CUL3: variants seen among roughly 807,000 people sequenced by gnomAD.
CUL3 encodes the protein cullin-3.
CUL3 carries 19 observed loss-of-function variants against 89.1 expected under a neutral mutation model. The ratio of observed to expected loss-of-function variants is 0.21; its 90% confidence interval spans 0.15 to 0.31. The LOEUF is 0.31. Ranked by LOEUF, CUL3 falls within the 10% of genes least tolerant of loss-of-function variation. The probability of loss-of-function intolerance (pLI) is 1.00; values close to 1 mark genes in which losing one functional copy is unlikely to be tolerated. For missense variants in CUL3, 469 were observed against 942.3 expected (o/e 0.50, Z 6.58); for synonymous variants, 351 against 308.4 (o/e 1.14, Z -1.45).
intron 1 of CUL3, 44 bp from the exon 2 acceptor site, chr2:224,557,900 A>G: frequency 8.8e-7 from 1 of 1,131,826 alleles, no homozygotes. Flanking sequence ...AAAAAAAAAA[A>G]AAAAACCAAT....
intron 11 of CUL3, 149 bp downstream of exon 11, chr2:224,500,214 T>C (rs1559348337): frequency 3.6e-6 from 3 of 839,282 alleles, no homozygotes. Flanking sequence ...GAGGGGGAAA[T>C]TGCTGTATGC....
At chr2:224,476,292 C>T (rs1472879809) in intron 15 of CUL3, among the ~76,000 whole-genome samples, 3 of 152,060 alleles carry the variant, frequency 2.0e-5, no homozygotes, top group African/African-American at 7.3e-5. Context: ...GCTGGGATTA[C>T]AGGCGTGAGC....
In CUL3 at chr2:224,493,796, G is replaced by A. The variant is rs570335872; in HGVS notation, c.1842+2036C>T. Among the ~76,000 whole-genome samples, 3 of 151,928 alleles carry A rather than the reference G, an allele frequency of 2.0e-5. No individual in the cohort carries two copies. The South Asian group carries it at 6.2e-4, about 32-fold the overall frequency. The stretch of plus-strand genomic sequence containing the variant: ...TAAAATATTTTATCCATTAAGAGCC[G>A]CAGATTAAAAAAATGACTACACAAA... On this transcript the variant is annotated intron_variant, in intron 13 of 15. Transcript: ENST00000264414.
chr2:224,543,617 T>G (rs1230044030), intron 2 of CUL3, among the ~76,000 whole-genome samples: 1 of 152,210 alleles, frequency 6.6e-6, no homozygotes, highest in Non-Finnish European at 1.5e-5. Flanking sequence ...TAAGCATCCT[T>G]AATCCGAAAA....
At chr2:224,553,019 G>T (rs1271849942) in intron 2 of CUL3, among the ~76,000 whole-genome samples, 1 of 152,186 alleles carries the variant, frequency 6.6e-6, no homozygotes, top group Admixed American at 6.5e-5. Context: ...TTTGCACATT[G>T]TATCAGTAAC....
chr2:224,505,591 A>G (rs1483911352), intron 8 of CUL3, among the ~76,000 whole-genome samples: 1 of 151,934 alleles, frequency 6.6e-6, no homozygotes, highest in Non-Finnish European at 1.5e-5. Context: ...GTGTGCCACT[A>G]ATTTTTTTCT....
intron 8 of CUL3, 143 bp downstream of exon 8, chr2:224,505,813 A>G (rs971623643): frequency 8.6e-6 from 4 of 464,806 alleles, no homozygotes; most frequent in African/African-American, 4.0e-5. Flanking sequence ...ATTTCAAACA[A>G]TATTTTTTAA....
rs370818707 is a variant in CUL3 at position 224,514,666 on chromosome 2, C to G, written c.485G>C (p.Arg162Pro). The change falls in exon 4 of 16, where the codon CGG becomes CCG. Residue 162 changes from arginine (R) to proline (P), a missense_variant. By Grantham distance (103) the Arg-to-Pro change is moderately radical. This residue lies in a region of CUL3 where 370 missense variants were observed against 733.2 expected (regional missense o/e 0.50). Coordinates refer to ENST00000264414, the MANE Select transcript of CUL3 (RefSeq NM_003590.5). ...TGCAATCATATCCAATAGAGTTTGC[C>G]GTAGATGATCCCTAATACACCCATA... is the stretch of plus-strand genomic sequence containing the variant. The part of the protein sequence containing the change: ...VRYGCIRDHL[R>P]QTLLDMIARE... The G allele has an allele frequency of 6.2e-7, 1 of 1,613,654 alleles. No homozygotes were observed. The highest frequency in any genetic ancestry group is 8.5e-7 in the Non-Finnish European group (1 of 1,179,760).
chr2:224,481,164 T>G (rs1323570095), intron 14 of CUL3, among the ~76,000 whole-genome samples: 2 of 152,118 alleles, frequency 1.3e-5, no homozygotes, highest in African/African-American at 4.8e-5. Flanking sequence ...AAAGATCATC[T>G]TATTTATCTT....
At position 224,471,525 on chromosome 2, in the gene CUL3, A is replaced by G; in HGVS notation, c.*2720T>C. The G allele has an allele frequency of 5.1e-6, 1 of 194,814 alleles. No individual in the cohort carries two copies. The highest frequency in any genetic ancestry group is 1.1e-5 in the Non-Finnish European group (1 of 93,542). The allele number at this position is 194,814 out of a possible 1,614,324, so 12.1% of individuals were successfully genotyped here. A position where few individuals can be genotyped will look rare whatever the true frequency, so the allele number is the denominator to read the frequency against. ...ACATCAACAGTGCTTCACTATGAGA[A>G]GGATTCTTACAGAGAAGGCCTATCA... On this transcript the variant is annotated 3_prime_UTR_variant, in exon 16 of 16. Coordinates refer to ENST00000264414, the MANE Select transcript of CUL3 (RefSeq NM_003590.5).
chr2:224,560,233 G>T (rs921260013), intron 1 of CUL3, among the ~76,000 whole-genome samples: 1 of 151,502 alleles, frequency 6.6e-6, no homozygotes, highest in Non-Finnish European at 1.5e-5. Context: ...TCAAGTTCTC[G>T]ATTTCTTATC....
At chr2:224,533,278 AAT>A (rs1693759939) in intron 3 of CUL3, among the ~76,000 whole-genome samples, 1 of 152,206 alleles carries the variant, frequency 6.6e-6, no homozygotes, top group Non-Finnish European at 1.5e-5. Flanking sequence ...GTTAATCTCT[AAT>A]GAGCATGTTA....
rs767481745 is a variant in CUL3 at position 224,556,635 on chromosome 2, A to G, written c.264+1024T>C. Among the ~76,000 whole-genome samples the G allele has an allele frequency of 4.7e-4, 71 of 152,140 alleles. 1 individual carries two copies. The highest frequency in any genetic ancestry group is 8.8e-4 in the Non-Finnish European group (60 of 67,990). On this transcript the variant is annotated intron_variant, in intron 2 of 15. Transcript: ENST00000264414. ...AAGGAAATCACCACTAAACAGGACA[A>G]TTGGTGAAATCTGAATAAGGAATGT... is the stretch of plus-strand genomic sequence containing the variant.
At chr2:224,541,806 C>A (rs1694116103) in intron 2 of CUL3, among the ~76,000 whole-genome samples, 1 of 151,704 alleles carries the variant, frequency 6.6e-6, no homozygotes, top group South Asian at 2.1e-4. Context: ...CAAAAGATTA[C>A]AAACTATAAT....
chr2:224,519,927 C>A (rs1693201113), intron 3 of CUL3, among the ~76,000 whole-genome samples: 1 of 150,924 alleles, frequency 6.6e-6, no homozygotes, highest in Admixed American at 6.6e-5. Context: ...AAAAATCATT[C>A]CAAAAGAGAA....
chr2:224,519,312 T>C (rs537888941), intron 3 of CUL3, among the ~76,000 whole-genome samples: 2 of 152,216 alleles, frequency 1.3e-5, no homozygotes, highest in African/African-American at 4.8e-5. Context: ...ATTATGTATA[T>C]GCAAATATTC....
intron 3 of CUL3, among the ~76,000 whole-genome samples, chr2:224,532,128 T>C (rs1477082186): frequency 1.3e-5 from 2 of 152,200 alleles, no homozygotes; most frequent in Non-Finnish European, 2.9e-5. Flanking sequence ...CTTCAGAGAA[T>C]GAAGGCTCCA....
intron 13 of CUL3, among the ~76,000 whole-genome samples, chr2:224,492,178 A>C (rs1163368638): frequency 1.3e-5 from 2 of 152,184 alleles, no homozygotes; most frequent in Non-Finnish European, 2.9e-5. Context: ...TTCTGAGTTC[A>C]AAGTTCGCTA....
intron 13 of CUL3, among the ~76,000 whole-genome samples, chr2:224,493,297 C>CTT (rs1692052682): frequency 6.6e-6 from 1 of 152,184 alleles, no homozygotes; most frequent in African/African-American, 2.4e-5. Flanking sequence ...TAATTAAATA[C>CTT]TTTTAACTAT....
Sources: gnomAD v4.1 joint callset for allele counts (sites outside exome capture counted in the v4.1 genomes callset) on GRCh38, gnomAD v4.1.1 for gene constraint, gnomAD v4.1.1 regional missense constraint, MANE v1.5 for transcripts, NCBI Gene and HGNC (gene_info 2026-07-23, HGNC 2026-07-21) for gene names.